EHMT1: variants seen among roughly 807,000 people sequenced by gnomAD.
EHMT1 encodes the protein histone-lysine N-methyltransferase EHMT1.
In EHMT1, 15 loss-of-function variants were observed where a neutral mutation model predicts 147.2. The observed-to-expected ratio is 0.10, with a 90% CI of 0.07 to 0.16. EHMT1 has a LOEUF of 0.16. Ranked by LOEUF, EHMT1 falls within the 10% of genes least tolerant of loss-of-function variation. EHMT1 has a pLI of 1.00. For missense variants in EHMT1, 1,587 were observed against 1,772.4 expected (o/e 0.90, Z 1.88); for synonymous variants, 795 against 709.6 (o/e 1.12, Z -1.91).
intron 6 of EHMT1, among the ~76,000 whole-genome samples, chr9:137,750,126 C>T (rs2136155128): frequency 6.6e-6 from 1 of 152,366 alleles, no homozygotes; most frequent in South Asian, 2.1e-4. Context: ...ATTACAGCTC[C>T]TAAGCTGACC....
chr9:137,734,064 C>T (rs1000131126), intron 4 of EHMT1, among the ~76,000 whole-genome samples: 3 of 152,136 alleles, frequency 2.0e-5, no homozygotes, highest in Non-Finnish European at 4.4e-5. Flanking sequence ...TTCAAATGTC[C>T]AGTTTTCAGC....
intron 1 of EHMT1, among the ~76,000 whole-genome samples, chr9:137,635,801 C>T (rs970271469): frequency 4.4e-4 from 67 of 151,524 alleles, no homozygotes; most frequent in Non-Finnish European, 8.2e-4. Flanking sequence ...GCCTGGGCGA[C>T]AGAGCGAGAC....
chr9:137,761,494 G>A (rs1949808476), intron 9 of EHMT1, among the ~76,000 whole-genome samples: 1 of 152,114 alleles, frequency 6.6e-6, no homozygotes, highest in Non-Finnish European at 1.5e-5. Flanking sequence ...TCACTCTGTT[G>A]CCAGACTGGA....
rs374671323 is a variant in EHMT1, at chr9:137,700,488, G to A, written c.22-10479G>A. Among the ~76,000 whole-genome samples the A allele has an allele frequency of 5.3e-4, 80 of 152,336 alleles. 1 individual carries two copies. The highest frequency in any genetic ancestry group is 1.9e-3 in the African/African-American group (77 of 41,580). On this transcript the variant is annotated intron_variant, in intron 1 of 26. Coordinates refer to ENST00000460843, the MANE Select transcript of EHMT1 (RefSeq NM_024757.5). ...ATATTAAAGTGGGCATTCGGAAGAA[G>A]ACAATGTTGTTTTCTAGAAGGATGG...
intron 1 of EHMT1, among the ~76,000 whole-genome samples, chr9:137,693,500 C>T (rs1943114335): frequency 6.6e-6 from 1 of 152,088 alleles, no homozygotes; most frequent in Admixed American, 6.5e-5. Flanking sequence ...AGCTGGGATT[C>T]GAATCTAGCC....
chr9:137,701,888 G>T (rs1943869325), intron 1 of EHMT1, among the ~76,000 whole-genome samples: 1 of 151,946 alleles, frequency 6.6e-6, no homozygotes, highest in Admixed American at 6.6e-5. Context: ...CTGCCTCCTG[G>T]GTTCAAGTGA....
At chr9:137,799,819 G>A (rs1472275995) in intron 17 of EHMT1, among the ~76,000 whole-genome samples, 2 of 152,188 alleles carry the variant, frequency 1.3e-5, no homozygotes, top group Non-Finnish European at 2.9e-5. Flanking sequence ...CCATACTCTC[G>A]CCTTTGCCCT....
intron 1 of EHMT1, among the ~76,000 whole-genome samples, chr9:137,671,143 T>C (rs1417304312): frequency 1.3e-5 from 2 of 152,214 alleles, no homozygotes; most frequent in African/African-American, 2.4e-5. Context: ...GTTAACTGTT[T>C]TCCCGTATAA....
At chr9:137,715,751 A>T (rs1945155380) in intron 2 of EHMT1, 1 of 985,372 alleles carries the variant, frequency 1.0e-6, no homozygotes, top group African/African-American at 1.7e-5. Flanking sequence ...CAGACCACGG[A>T]TGTGCTCCAA....
intron 4 of EHMT1, among the ~76,000 whole-genome samples, chr9:137,734,975 C>G (rs1270190425): frequency 3.9e-5 from 6 of 152,212 alleles, no homozygotes; most frequent in Non-Finnish European, 5.9e-5. Context: ...AAAGAAAGAA[C>G]ACTAGACAGT....
chr9:137,803,878 A>T (rs1271972815), intron 18 of EHMT1, among the ~76,000 whole-genome samples: 1 of 151,664 alleles, frequency 6.6e-6, no homozygotes, highest in East Asian at 1.9e-4. Context: ...TTTCCAAGTG[A>T]TTGTACCATC....
intron 15 of EHMT1, chr9:137,784,223 G>T: frequency 6.5e-7 from 1 of 1,544,762 alleles, no homozygotes; most frequent in East Asian, 2.5e-5. Context: ...CTCCAGCACA[G>T]CCTTGCTGTG....
intron 4 of EHMT1, among the ~76,000 whole-genome samples, chr9:137,733,154 G>A (rs1158111447): frequency 2.6e-5 from 4 of 152,204 alleles, no homozygotes; most frequent in African/African-American, 4.8e-5. Flanking sequence ...TGAAAGATCT[G>A]TGCTGTGCAA....
At chr9:137,751,350 C>G (rs966324277) in intron 6 of EHMT1, among the ~76,000 whole-genome samples, 1 of 152,172 alleles carries the variant, frequency 6.6e-6, no homozygotes, top group African/African-American at 2.4e-5. Flanking sequence ...AAACAGGGGT[C>G]TCGCTGTGTT....
intron 1 of EHMT1, among the ~76,000 whole-genome samples, chr9:137,680,466 C>T (rs1348192860): frequency 1.3e-5 from 2 of 152,078 alleles, no homozygotes; most frequent in Non-Finnish European, 2.9e-5. Context: ...GAGCCAGACT[C>T]TGTCTCAAAA....
chr9:137,827,168 C>T (rs970790873), intron 25 of EHMT1, among the ~76,000 whole-genome samples: 3 of 152,210 alleles, frequency 2.0e-5, no homozygotes, highest in African/African-American at 7.2e-5. Context: ...CTTGATGCCC[C>T]AGAGCTGCCA....
At chr9:137,631,920 A>G (rs1052761228) in intron 1 of EHMT1, among the ~76,000 whole-genome samples, 1 of 152,222 alleles carries the variant, frequency 6.6e-6, no homozygotes, top group Non-Finnish European at 1.5e-5. Context: ...AGAAATTCTT[A>G]CTGCCTAATC....
chr9:137,821,093 G>T (rs904273902), intron 25 of EHMT1, among the ~76,000 whole-genome samples: 4 of 152,184 alleles, frequency 2.6e-5, no homozygotes, highest in Non-Finnish European at 5.9e-5. Flanking sequence ...TAGCGGGATG[G>T]TCTTGATCTC....
intron 18 of EHMT1, among the ~76,000 whole-genome samples, chr9:137,807,071 G>C (rs1476699063): frequency 6.6e-6 from 1 of 152,168 alleles, no homozygotes; most frequent in Non-Finnish European, 1.5e-5. Flanking sequence ...AGGGTTCATT[G>C]AGCTTCTTGG....
Sources: gnomAD v4.1 joint callset for allele counts (sites outside exome capture counted in the v4.1 genomes callset) on GRCh38, gnomAD v4.1.1 for gene constraint, MANE v1.5 for transcripts, NCBI Gene and HGNC (gene_info 2026-07-23, HGNC 2026-07-21) for gene names.